The following UGT1A10 variants were observed in gnomAD, a reference collection of about 807,000 sequenced individuals.
The protein encoded by UGT1A10 is UDP glucuronosyltransferase family 1 member A10, also known as UDP-glucuronosyltransferase 1A10.
A neutral mutation model predicts 45.8 loss-of-function variants in UGT1A10; 49 were observed. The ratio of observed to expected loss-of-function variants is 1.07; its 90% CI spans 0.85 to 1.36. The LOEUF is 1.36. Ranked by LOEUF, UGT1A10 falls within the 40% of genes most tolerant of loss-of-function variation. UGT1A10 has a pLI of 0.00. For missense variants in UGT1A10, 745 were observed against 668.6 expected, an observed-to-expected ratio of 1.11 and a Z score of -1.26; for synonymous variants, 284 against 249.7, an observed-to-expected ratio of 1.14 and a Z score of -1.29.
At chr2:233,768,912 T>C (rs923481624) in intron 4 of UGT1A10, among the ~76,000 whole-genome samples, 1 of 152,140 alleles carries the variant, frequency 6.6e-6, no homozygotes, top group African/African-American at 2.4e-5. Context: ...AATTTAGAGG[T>C]TATTATTCAC....
chr2:233,654,334 A>G (rs950078690), intron 1 of UGT1A10, among the ~76,000 whole-genome samples: 6 of 152,182 alleles, frequency 3.9e-5, no homozygotes, highest in East Asian at 1.9e-4. Flanking sequence ...TCAGAATTCA[A>G]CCTTCAGGAT....
rs1357806418 is a variant in UGT1A10 at position 233,725,294 on chromosome 2, A to G, written c.856-41740A>G. ...CAGAGGCAGAGGCAGAGGCAGAGGC[A>G]GAGGCAGAGGCAGAGGCAGAGGCGC... On this transcript the variant is annotated intron_variant, in intron 1 of 4. Coordinates refer to ENST00000344644, the MANE Select transcript of UGT1A10 (RefSeq NM_019075.4). 6.7e-5 allele frequency among the ~76,000 whole-genome samples: 7 copies of G among 104,870 alleles called. 1 individual carries two copies. The highest frequency in any genetic ancestry group is 6.5e-4 in the South Asian group (2 of 3,086). The allele number at this position is 104,870 out of a possible 152,430, so 68.8% of individuals were successfully genotyped here. A position where few individuals can be genotyped will look rare whatever the true frequency, so the allele number is the denominator to read the frequency against.
chr2:233,674,586 G>T (rs2074289451), intron 1 of UGT1A10, among the ~76,000 whole-genome samples: 1 of 152,006 alleles, frequency 6.6e-6, no homozygotes, highest in Non-Finnish European at 1.5e-5. Context: ...ATGATAGAGG[G>T]TTATCTATAA....
chr2:233,721,901 G>A, intron 1 of UGT1A10: 1 of 456,940 alleles, frequency 2.2e-6, no homozygotes, highest in Non-Finnish European at 4.4e-6. Flanking sequence ...ATATCGAAAT[G>A]GTGCACACTG....
intron 1 of UGT1A10, among the ~76,000 whole-genome samples, chr2:233,640,686 G>A (rs915556205): frequency 6.6e-6 from 1 of 152,088 alleles, no homozygotes; most frequent in African/African-American, 2.4e-5. Context: ...GTCCAACAGT[G>A]ACCCTCCCCA....
intron 1 of UGT1A10, among the ~76,000 whole-genome samples, chr2:233,684,502 T>C (rs2125529215): frequency 6.6e-6 from 1 of 152,288 alleles, no homozygotes; most frequent in East Asian, 1.9e-4. Flanking sequence ...CAAAGGGATT[T>C]AGAGATGTAG....
At chr2:233,685,050 C>T (rs1446648716) in intron 1 of UGT1A10, among the ~76,000 whole-genome samples, 3 of 151,600 alleles carry the variant, frequency 2.0e-5, no homozygotes, top group Non-Finnish European at 2.9e-5. Flanking sequence ...TGTGCAATGT[C>T]TTAAGCTCTG....
intron 1 of UGT1A10, among the ~76,000 whole-genome samples, chr2:233,657,180 C>T (rs2125483692): frequency 6.6e-6 from 1 of 152,276 alleles, no homozygotes; most frequent in Non-Finnish European, 1.5e-5. Flanking sequence ...TATCAAGGTC[C>T]CCCATCATCT....
intron 1 of UGT1A10, chr2:233,761,181 G>A (rs539737168): frequency 1.9e-5 from 31 of 1,614,124 alleles, no homozygotes; most frequent in East Asian, 2.2e-5. Flanking sequence ...TTTTACATGC[G>A]TATATTCTTT....
intron 1 of UGT1A10, among the ~76,000 whole-genome samples, chr2:233,689,366 C>T (rs2074939498): frequency 6.6e-6 from 1 of 152,200 alleles, no homozygotes; most frequent in Non-Finnish European, 1.5e-5. Context: ...ATGTGCAGGG[C>T]ACAAAGCAAG....
At chr2:233,750,158 G>A (rs1271989660) in intron 1 of UGT1A10, among the ~76,000 whole-genome samples, 2 of 151,878 alleles carry the variant, frequency 1.3e-5, no homozygotes, top group Non-Finnish European at 2.9e-5. Flanking sequence ...TTGTTGAATG[G>A]TTTTGACCAA....
At chr2:233,720,668 A>G (rs1008664012) in intron 1 of UGT1A10, among the ~76,000 whole-genome samples, 1 of 151,708 alleles carries the variant, frequency 6.6e-6, no homozygotes, top group East Asian at 1.9e-4. Context: ...TCACACACCA[A>G]TGAATTTGGT....
rs35350960 is a variant in UGT1A10, at chr2:233,760,973, C to T, written c.856-6061C>T. On this transcript the variant is annotated intron_variant, in intron 1 of 4. Coordinates refer to ENST00000344644, the MANE Select transcript of UGT1A10 (RefSeq NM_019075.4). The stretch of plus-strand genomic sequence containing the variant: ...TTTCTGTGCGACGTGGTTTATTCCC[C>T]GTATGCAACCCTTGCCTCAGAATTC... 4.6e-5 allele frequency: 74 copies of T among 1,614,056 alleles called. No homozygotes were observed. Among genetic ancestry groups the T allele is most frequent in the Non-Finnish European group, 5.4e-5 (64 of 1,180,038 alleles).
In UGT1A10 at chr2:233,676,285, G is replaced by T. The variant is rs551451465; in HGVS notation, c.855+38908G>T. 2.4e-4 allele frequency among the ~76,000 whole-genome samples: 37 copies of T among 152,238 alleles called. No homozygotes were observed. The South Asian group carries it at 7.7e-3, about 32-fold the overall frequency. On this transcript the variant is annotated intron_variant, in intron 1 of 4. Transcript: ENST00000344644. ...ATCACCCCTGTGTGCATCCACAGGGGTCCTGCAAATATTTTCTCACAGTCT... is the reference window on the plus strand; with the variant it reads ...ATCACCCCTGTGTGCATCCACAGGGTTCCTGCAAATATTTTCTCACAGTCT...
In UGT1A10 at chr2:233,681,960, G is replaced by T. The variant is rs2074547389; in HGVS notation, c.855+44583G>T. 7 of 1,613,878 alleles carry T rather than the reference G, an allele frequency of 4.3e-6. No individual in the cohort carries two copies. In the East Asian group the frequency reaches 1.3e-4, roughly 31 times the overall value. On this transcript the variant is annotated intron_variant, in intron 1 of 4. Transcript: ENST00000344644. The stretch of plus-strand genomic sequence containing the variant: ...CTGATGGCTCGTGCAGGGTGGACTG[G>T]CCTCCTTCCCCTATATGTGTGTCTA...
At chr2:233,674,763 G>T (rs1373199990) in intron 1 of UGT1A10, among the ~76,000 whole-genome samples, 1 of 152,070 alleles carries the variant, frequency 6.6e-6, no homozygotes, top group Non-Finnish European at 1.5e-5. Flanking sequence ...ATGACTATAC[G>T]TGTAAAGCCA....
At chr2:233,648,897 T>A (rs1018086317) in intron 1 of UGT1A10, 1 of 1,327,890 alleles carries the variant, frequency 7.5e-7, no homozygotes, top group Non-Finnish European at 1.1e-6. Flanking sequence ...TCATGGCATA[T>A]GATCTCTACA....
chr2:233,708,871 C>T (rs544607224), intron 1 of UGT1A10, among the ~76,000 whole-genome samples: 1 of 151,394 alleles, frequency 6.6e-6, no homozygotes, highest in East Asian at 1.9e-4. Context: ...TTTATTGGTT[C>T]ACATACTAGA....
chr2:233,714,359 G>T (rs754648080), intron 1 of UGT1A10, among the ~76,000 whole-genome samples: 56 of 152,316 alleles, frequency 3.7e-4, no homozygotes, highest in East Asian at 3.9e-4. Context: ...AGGTTTCAAA[G>T]AAGTTGACTC....
Sources: allele counts gnomAD v4.1 joint callset (sites outside exome capture counted in the v4.1 genomes callset), GRCh38; gene constraint gnomAD v4.1.1; transcripts MANE v1.5; gene names NCBI Gene and HGNC (gene_info 2026-07-23, HGNC 2026-07-21).